POU2F2: variants seen among roughly 807,000 people sequenced by gnomAD.
The protein encoded by POU2F2 is POU domain, class 2, transcription factor 2.
A neutral mutation model predicts 63.5 loss-of-function variants in POU2F2; 14 were observed. That is an observed-to-expected ratio of 0.22 (90% CI 0.15 to 0.34). The LOEUF (loss-of-function observed/expected upper bound fraction) is 0.34, where lower values mean the gene tolerates loss of function less well. POU2F2 is among the 10% of genes least tolerant of loss of function. The pLI is 1.00. For missense variants in POU2F2, 607 were observed against 815.2 expected, an observed-to-expected ratio of 0.74 and a Z score of 3.11; for synonymous variants, 306 against 348.6, an observed-to-expected ratio of 0.88 and a Z score of 1.36.
chr19:42,146,529 G>A (rs916834863), intron 2 of POU2F2, among the ~76,000 whole-genome samples: 1 of 152,172 alleles, frequency 6.6e-6, no homozygotes, highest in African/African-American at 2.4e-5. Flanking sequence ...CACTTTGTGG[G>A]GCCCTAGCAG....
chr19:42,179,292 A>G (rs370298929), upstream of POU2F2, among the ~76,000 whole-genome samples: 16 of 152,204 alleles, frequency 1.1e-4, no homozygotes, highest in Admixed American at 5.9e-4. Flanking sequence ...GGCAGTGCCC[A>G]GTCACCAAGC....
At chr19:42,115,184 G>A (rs1031763127) in intron 5 of POU2F2, among the ~76,000 whole-genome samples, 4 of 152,078 alleles carry the variant, frequency 2.6e-5, no homozygotes, top group South Asian at 2.1e-4. Flanking sequence ...GAGCCATCAC[G>A]GAGCCATGCG....
upstream of POU2F2, among the ~76,000 whole-genome samples, chr19:42,136,172 T>C (rs2034007337): frequency 6.6e-6 from 1 of 150,790 alleles, no homozygotes; most frequent in South Asian, 2.1e-4. Context: ...CACAGCATTG[T>C]GGTCTATGCT....
chr19:42,105,377 C>T (rs1172273923), intron 5 of POU2F2, among the ~76,000 whole-genome samples: 15 of 152,108 alleles, frequency 9.9e-5, no homozygotes, highest in Non-Finnish European at 5.9e-5. Flanking sequence ...ACCTGGTAAG[C>T]CCCCATTAAA....
chr19:42,099,774 G>T lies in POU2F2; in HGVS notation c.417C>A (p.Gly139=). 1 of 1,586,834 alleles carries T rather than the reference G, an allele frequency of 6.3e-7. No homozygotes were observed. The highest frequency in any genetic ancestry group is 8.6e-7 in the Non-Finnish European group (1 of 1,165,280). Residue 139 remains glycine (G), a synonymous_variant, in exon 6 of 15, where the codon GGC becomes GGA. Transcript: ENST00000692977. ...LQLQQLVLVP[G]HHLQPPAQFL... ...ACTGAGCAGGTGGCTGGAGGTGGTG[G>T]CCTGGCACAAGCACCAGCTGCTGGA...
intron 4 of POU2F2, among the ~76,000 whole-genome samples, chr19:42,118,742 A>T (rs554021114): frequency 1.3e-5 from 2 of 152,358 alleles, no homozygotes; most frequent in Admixed American, 6.5e-5. Context: ...TGGTGGGAGA[A>T]GGCATGGCCT....
At chr19:42,129,203 C>T (rs1030126028) in intron 1 of POU2F2, among the ~76,000 whole-genome samples, 1 of 152,166 alleles carries the variant, frequency 6.6e-6, no homozygotes, top group Non-Finnish European at 1.5e-5. Context: ...CTCATTCACA[C>T]ACAAAAGATT....
chr19:42,147,910 G>A (rs1568413636), intron 2 of POU2F2, among the ~76,000 whole-genome samples: 1 of 152,164 alleles, frequency 6.6e-6, no homozygotes, highest in Non-Finnish European at 1.5e-5. Flanking sequence ...TGACCCCTAT[G>A]AGGTAGTAGT....
intron 1 of POU2F2, among the ~76,000 whole-genome samples, chr19:42,170,570 C>A (rs2034742688): frequency 6.6e-6 from 1 of 152,156 alleles, no homozygotes; most frequent in Non-Finnish European, 1.5e-5. Context: ...TGTGGGTGGG[C>A]ATGTACACAT....
chr19:42,128,838 CT>C (rs57927769), intron 1 of POU2F2, among the ~76,000 whole-genome samples: 307 of 143,004 alleles, frequency 2.1e-3, no homozygotes, highest in Non-Finnish European at 2.2e-3. Context: ...AGGTGATTCT[CT>C]TTTTTTTTTT....
At chr19:42,133,433 C>T (rs934958649), upstream of POU2F2, 2 of 154,626 alleles carry the variant, frequency 1.3e-5, no homozygotes, top group African/African-American at 4.8e-5. This position sits in a 1 kb window ranked among gnomAD's most constrained non-coding sequence, Gnocchi z 5.1. Context: ...GTCCGCTGCC[C>T]TCTTCCTCTT....
upstream of POU2F2, among the ~76,000 whole-genome samples, chr19:42,197,639 G>C (rs917382036): frequency 2.8e-4 from 43 of 152,284 alleles, no homozygotes; most frequent in African/African-American, 9.6e-4. Flanking sequence ...CATGAGGGGT[G>C]GGGGAAGGGC....
At chr19:42,191,756 CT>C (rs2035077530) in intron 1 of POU2F2, among the ~76,000 whole-genome samples, 1 of 152,150 alleles carries the variant, frequency 6.6e-6, no homozygotes, top group Non-Finnish European at 1.5e-5. Flanking sequence ...GCTGTCAGAT[CT>C]GAAAGGCAGG....
intron 2 of POU2F2, among the ~76,000 whole-genome samples, chr19:42,143,739 C>G (rs1459716787): frequency 6.6e-6 from 1 of 152,182 alleles, no homozygotes; most frequent in Non-Finnish European, 1.5e-5. Context: ...TTCTTCTTGC[C>G]TCAGGACTTT....
At chr19:42,190,474 T>C (rs1357863644) in intron 1 of POU2F2, among the ~76,000 whole-genome samples, 1 of 152,028 alleles carries the variant, frequency 6.6e-6, no homozygotes, top group Admixed American at 6.6e-5. Context: ...CACCTATATG[T>C]GCTACTCTGC....
At chr19:42,165,820 C>CA (rs2034638989) in intron 1 of POU2F2, among the ~76,000 whole-genome samples, 1 of 152,212 alleles carries the variant, frequency 6.6e-6, no homozygotes, top group Non-Finnish European at 1.5e-5. Context: ...CTATTACCAT[C>CA]AGCAGCCATA....
intron 1 of POU2F2, among the ~76,000 whole-genome samples, chr19:42,181,331 G>A (rs1248869864): frequency 6.6e-6 from 1 of 152,182 alleles, no homozygotes; most frequent in Non-Finnish European, 1.5e-5. Context: ...CATAATTCCA[G>A]AAGTACCAGA....
chr19:42,097,192 G>GTTTTTT (rs778449653), intron 7 of POU2F2, among the ~76,000 whole-genome samples: 7 of 117,754 alleles, frequency 5.9e-5, no homozygotes, highest in Non-Finnish European at 7.1e-5. Context: ...GAATTTTTCA[G>GTTTTTT]TTTTTTTTTT....
chr19:42,117,755 G>A lies in POU2F2; in HGVS notation c.187-323C>T, dbSNP rs1600101823. Among the ~76,000 whole-genome samples, 2 of 151,888 alleles carry A rather than the reference G, an allele frequency of 1.3e-5. No individual in the cohort carries two copies. Among genetic ancestry groups the A allele is most frequent in the South Asian group, 2.1e-4 (1 of 4,812 alleles). On this transcript the variant is annotated intron_variant, in intron 4 of 14. Transcript: ENST00000692977. This position sits in a 1 kb window ranked among gnomAD's most constrained non-coding sequence, Gnocchi z 4.4. The stretch of plus-strand genomic sequence containing the variant: ...AGCACTTTGGGAGGTCGAGGCAGGC[G>A]GATCACTTGGGGTCAGGAGTTTGAA...
Sources: allele counts gnomAD v4.1 joint callset (sites outside exome capture counted in the v4.1 genomes callset), GRCh38; gene constraint gnomAD v4.1.1; non-coding constraint Gnocchi (gnomAD v3.1); transcripts MANE v1.5; gene names NCBI Gene and HGNC (gene_info 2026-07-23, HGNC 2026-07-21).